The following GULP1 variants were observed in gnomAD, a reference collection of about 807,000 sequenced individuals.
GULP1 encodes GULP PTB domain containing engulfment adaptor 1.
A neutral mutation model predicts 40.9 loss-of-function variants in GULP1; 19 were observed. The observed-to-expected ratio is 0.46, with a 90% CI of 0.32 to 0.68. GULP1 has a LOEUF of 0.68. GULP1 is among the 30% of genes least tolerant of loss of function. GULP1 has a pLI of 0.03. For missense variants in GULP1, 312 were observed against 362.2 expected, an observed-to-expected ratio of 0.86 and a Z score of 1.12; for synonymous variants, 119 against 117.6, an observed-to-expected ratio of 1.01 and a Z score of -0.08.
intron 4 of GULP1, among the ~76,000 whole-genome samples, chr2:188,492,495 A>C (rs761606710): frequency 6.6e-6 from 1 of 152,022 alleles, no homozygotes; most frequent in East Asian, 1.9e-4. Context: ...TTTTCTAAGC[A>C]TTTCACATCT....
chr2:188,520,706 A>C (rs1459844065), intron 4 of GULP1, among the ~76,000 whole-genome samples: 2 of 151,930 alleles, frequency 1.3e-5, no homozygotes, highest in African/African-American at 4.8e-5. Flanking sequence ...CACTATCCTC[A>C]TGGCCTGTTA....
At chr2:188,567,466 GA>G (rs1200881476) in intron 7 of GULP1, among the ~76,000 whole-genome samples, 1 of 152,198 alleles carries the variant, frequency 6.6e-6, no homozygotes, top group African/African-American at 2.4e-5. Context: ...CCATAAAAAG[GA>G]ATGAGATAAT....
At chr2:188,368,923 GTA>G (rs751685636) in intron 1 of GULP1, among the ~76,000 whole-genome samples, 11 of 107,526 alleles carry the variant, frequency 1.0e-4, no homozygotes, top group African/African-American at 3.8e-4. Context: ...ATATATATAT[GTA>G]TATATATATG....
rs1694157846 is a variant in GULP1 at position 188,554,055 on chromosome 2, CTACT to C, written c.399+12740_399+12743del. 3.9e-5 allele frequency among the ~76,000 whole-genome samples: 6 copies of C among 151,916 alleles called. 1 individual carries two copies. In the South Asian group the frequency reaches 1.2e-3, roughly 32 times the overall value. On this transcript the variant is annotated intron_variant, in intron 7 of 11. Coordinates refer to ENST00000409830, the MANE Select transcript of GULP1 (RefSeq NM_016315.4). ...TAGATATTCTCTCTTCTTGGTTAGT[CTACT>C]TAATGATTTCTCAATTTTACTTATT...
intron 3 of GULP1, among the ~76,000 whole-genome samples, chr2:188,481,022 T>C (rs887045271): frequency 1.3e-5 from 2 of 152,124 alleles, no homozygotes; most frequent in South Asian, 2.1e-4. Flanking sequence ...ATTTACTCTA[T>C]ATTTCCTGAT....
At chr2:188,519,341 G>A (rs1275246018) in intron 4 of GULP1, among the ~76,000 whole-genome samples, 1 of 152,112 alleles carries the variant, frequency 6.6e-6, no homozygotes, top group East Asian at 1.9e-4. Context: ...TTTCCCCTAT[G>A]GCCTTATTTG....
chr2:188,378,314 A>G (rs1433825126), intron 1 of GULP1, among the ~76,000 whole-genome samples: 3 of 151,802 alleles, frequency 2.0e-5, no homozygotes, highest in African/African-American at 7.3e-5. Flanking sequence ...TTAAATGTGG[A>G]ACATTACAAT....
chr2:188,505,111 T>A (rs1484681704), intron 4 of GULP1, among the ~76,000 whole-genome samples: 2 of 151,798 alleles, frequency 1.3e-5, no homozygotes, highest in African/African-American at 2.4e-5. Context: ...CCCTGGGAAT[T>A]CAAGATCAAT....
chr2:188,573,365 A>G (rs1699501949), intron 9 of GULP1, among the ~76,000 whole-genome samples: 1 of 152,194 alleles, frequency 6.6e-6, no homozygotes, highest in South Asian at 2.1e-4. Flanking sequence ...ATTTTTGAAG[A>G]TTTATTAATG....
intron 4 of GULP1, among the ~76,000 whole-genome samples, chr2:188,507,768 C>T (rs1159374935): frequency 6.6e-6 from 1 of 151,806 alleles, no homozygotes; most frequent in Non-Finnish European, 1.5e-5. Context: ...AATTACCATT[C>T]CTATGTAACA....
intron 1 of GULP1, among the ~76,000 whole-genome samples, chr2:188,334,364 A>T (rs2041994723): frequency 6.6e-6 from 1 of 152,194 alleles, no homozygotes; most frequent in South Asian, 2.1e-4. Context: ...GCCTACTGGG[A>T]TATGGATGTC....
chr2:188,529,552 C>A (rs191586303), intron 6 of GULP1, among the ~76,000 whole-genome samples: 2 of 152,116 alleles, frequency 1.3e-5, no homozygotes, highest in African/African-American at 4.8e-5. Context: ...TCTGCATTGA[C>A]TTTTATTTCC....
intron 2 of GULP1, among the ~76,000 whole-genome samples, chr2:188,419,649 A>G (rs1213839127): frequency 2.0e-5 from 3 of 151,166 alleles, no homozygotes; most frequent in East Asian, 1.9e-4. Flanking sequence ...CTCCCATTCT[A>G]TAGTGCTTGT....
chr2:188,387,953 A>G (rs1251191270), intron 2 of GULP1, among the ~76,000 whole-genome samples: 1 of 151,986 alleles, frequency 6.6e-6, no homozygotes, highest in Non-Finnish European at 1.5e-5. Flanking sequence ...ATATGTATAC[A>G]TGTGCCATGC....
chr2:188,391,586 T>G (rs2050533400), intron 2 of GULP1, among the ~76,000 whole-genome samples: 1 of 152,038 alleles, frequency 6.6e-6, no homozygotes, highest in Admixed American at 6.6e-5. Context: ...GTTTTCCAAT[T>G]TGGATGCCCA....
intron 1 of GULP1, among the ~76,000 whole-genome samples, chr2:188,321,963 C>G (rs1487719081): frequency 3.3e-5 from 5 of 152,016 alleles, no homozygotes; most frequent in Admixed American, 6.6e-5. Context: ...TGCAGTGAGC[C>G]AAGATCGAGC....
chr2:188,371,155 G>A (rs1230194840), intron 1 of GULP1, among the ~76,000 whole-genome samples: 1 of 152,028 alleles, frequency 6.6e-6, no homozygotes, highest in Non-Finnish European at 1.5e-5. Context: ...TTAATCATTT[G>A]TACAAATGGT....
intron 2 of GULP1, among the ~76,000 whole-genome samples, chr2:188,449,846 G>A (rs563663669): frequency 6.6e-6 from 1 of 152,266 alleles, no homozygotes; most frequent in Non-Finnish European, 1.5e-5. Context: ...GAAGTTTAAA[G>A]GAGGTAGGTT....
intron 7 of GULP1, among the ~76,000 whole-genome samples, chr2:188,567,857 T>G (rs969548827): frequency 6.6e-6 from 1 of 152,124 alleles, no homozygotes; most frequent in Non-Finnish European, 1.5e-5. Context: ...AGAAAACAAA[T>G]TATTCATAAT....
Sources: gnomAD v4.1 joint callset for allele counts (sites outside exome capture counted in the v4.1 genomes callset) on GRCh38, gnomAD v4.1.1 for gene constraint, MANE v1.5 for transcripts, NCBI Gene and HGNC (gene_info 2026-07-23, HGNC 2026-07-21) for gene names.